The following HS3ST5 variants were observed in gnomAD, a reference collection of about 807,000 sequenced individuals.
The protein encoded by HS3ST5 is heparan sulfate glucosamine 3-O-sulfotransferase 5.
Under a neutral mutation model 25.4 loss-of-function variants are expected in HS3ST5, and 10 were observed. That is an observed-to-expected ratio of 0.39 (90% CI 0.24 to 0.67). The LOEUF (loss-of-function observed/expected upper bound fraction) is 0.67. Among genes scored for constraint, HS3ST5 ranks in the 30% least tolerant of loss-of-function variants. The pLI is 0.44. For synonymous variants in HS3ST5, 170 were observed against 162.4 expected (o/e 1.05, Z -0.36); for missense variants, 324 against 420.7 (o/e 0.77, Z 2.01).
chr6:114,273,118 G>T (rs1773703246), intron 1 of HS3ST5, among the ~76,000 whole-genome samples: 2 of 152,060 alleles, frequency 1.3e-5, no homozygotes, highest in Non-Finnish European at 2.9e-5. Flanking sequence ...GACAAAGAAA[G>T]ATATGAAATA....
chr6:114,237,305 C>A (rs1246144154), intron 1 of HS3ST5, among the ~76,000 whole-genome samples: 5 of 146,910 alleles, frequency 3.4e-5, no homozygotes, highest in Admixed American at 6.8e-5. Context: ...TCAAATAAGT[C>A]AAAAATAAAA....
At chr6:114,335,334 G>C (rs1359031) in intron 1 of HS3ST5, among the ~76,000 whole-genome samples, 1 of 150,946 alleles carries the variant, frequency 6.6e-6, no homozygotes, top group Non-Finnish European at 1.5e-5. Context: ...TCTAAGAATA[G>C]AATTAAACTT....
rs566836233 is a variant in HS3ST5, at chr6:114,292,385, T to C, written c.-339+49810A>G. 3.3e-5 allele frequency among the ~76,000 whole-genome samples: 5 copies of C among 152,262 alleles called. No individual in the cohort carries two copies. The East Asian group carries it at 7.7e-4, about 24-fold the overall frequency. On this transcript the variant is annotated intron_variant, in intron 1 of 4. Coordinates refer to ENST00000312719, the MANE Select transcript of HS3ST5 (RefSeq NM_153612.4). Reference sequence around the variant, plus strand: ...GTTGTGTTCTCACATAGCAGAAGAATGAGAGAATCCACTCCTGCAAGCCCT... The same window carrying C: ...GTTGTGTTCTCACATAGCAGAAGAACGAGAGAATCCACTCCTGCAAGCCCT...
intron 1 of HS3ST5, among the ~76,000 whole-genome samples, chr6:114,320,912 C>CTATA (rs1380738979): frequency 8.6e-6 from 1 of 116,664 alleles, no homozygotes; most frequent in African/African-American, 3.4e-5. Flanking sequence ...CTCTCTCTCT[C>CTATA]TCTATATATA....
At chr6:114,210,416 G>A (rs1781461405) in intron 2 of HS3ST5, among the ~76,000 whole-genome samples, 3 of 152,098 alleles carry the variant, frequency 2.0e-5, no homozygotes, top group Admixed American at 1.3e-4. Flanking sequence ...GAAAAAAATG[G>A]ACAAGAAAAC....
At chr6:114,141,541 G>A (rs1463999370) in intron 3 of HS3ST5, among the ~76,000 whole-genome samples, 1 of 152,224 alleles carries the variant, frequency 6.6e-6, no homozygotes. Flanking sequence ...AGTGCTGAGA[G>A]TTTGTGAGTG....
rs191032739 is a variant in HS3ST5, at chr6:114,159,877, C to T, written c.-33+8474G>A. 3.4e-3 allele frequency among the ~76,000 whole-genome samples: 514 copies of T among 152,214 alleles called. 1 individual carries two copies. Among genetic ancestry groups the T allele is most frequent in the Non-Finnish European group, 6.3e-3 (425 of 67,996 alleles). ...AATAAAAACAAATACTTCAGTATTGCAAACATTTGCTAAAGAAACAAATAT... is the reference window on the plus strand; with the variant it reads ...AATAAAAACAAATACTTCAGTATTGTAAACATTTGCTAAAGAAACAAATAT... On this transcript the variant is annotated intron_variant, in intron 3 of 4. Transcript: ENST00000312719.
At chr6:114,165,798 T>C (rs558624182) in intron 3 of HS3ST5, among the ~76,000 whole-genome samples, 1 of 152,162 alleles carries the variant, frequency 6.6e-6, no homozygotes, top group East Asian at 1.9e-4. Context: ...AGTTAAACTC[T>C]CTGGATTTTA....
chr6:114,180,833 T>C (rs761096779), intron 2 of HS3ST5, among the ~76,000 whole-genome samples: 32 of 152,350 alleles, frequency 2.1e-4, no homozygotes, highest in Non-Finnish European at 2.8e-4. Flanking sequence ...TTTTAACATA[T>C]GAATTTTGGG....
At chr6:114,224,500 TTC>T (rs1237233774) in intron 2 of HS3ST5, among the ~76,000 whole-genome samples, 1 of 151,352 alleles carries the variant, frequency 6.6e-6, no homozygotes, top group East Asian at 1.9e-4. Context: ...AGAGGAAAAG[TTC>T]TCTCTCTGTT....
intron 3 of HS3ST5, chr6:114,084,451 T>G: frequency 4.0e-6 from 3 of 756,862 alleles, no homozygotes; most frequent in South Asian, 1.3e-5. Context: ...TCTGTAGAAG[T>G]AGAGATCAGG....
At chr6:114,324,838 C>G (rs1045434796) in intron 1 of HS3ST5, among the ~76,000 whole-genome samples, 3 of 152,196 alleles carry the variant, frequency 2.0e-5, no homozygotes, top group Non-Finnish European at 4.4e-5. Context: ...AATCACTGCT[C>G]TTAAGGTTTC....
At chr6:114,185,397 G>C (rs1780172294) in intron 2 of HS3ST5, among the ~76,000 whole-genome samples, 1 of 152,152 alleles carries the variant, frequency 6.6e-6, no homozygotes, top group African/African-American at 2.4e-5. Context: ...CAAAAACCAG[G>C]ATGACGGACC....
chr6:114,203,200 T>C (rs1162403242), intron 2 of HS3ST5, among the ~76,000 whole-genome samples: 1 of 152,202 alleles, frequency 6.6e-6, no homozygotes, highest in Non-Finnish European at 1.5e-5. Flanking sequence ...AAAGACAGAT[T>C]AACTGTGAAA....
At chr6:114,182,814 G>A (rs925842899) in intron 2 of HS3ST5, among the ~76,000 whole-genome samples, 1 of 152,130 alleles carries the variant, frequency 6.6e-6, no homozygotes, top group Non-Finnish European at 1.5e-5. Context: ...TAATTTCTAG[G>A]TATGTGTGTG....
At chr6:114,254,204 T>C (rs1019620110) in intron 1 of HS3ST5, among the ~76,000 whole-genome samples, 9 of 152,202 alleles carry the variant, frequency 5.9e-5, no homozygotes, top group Non-Finnish European at 2.9e-5. Context: ...AGGATCAGAT[T>C]TTCTATTGTC....
chr6:114,268,874 A>G (rs986601472), intron 1 of HS3ST5, among the ~76,000 whole-genome samples: 2 of 152,158 alleles, frequency 1.3e-5, no homozygotes, highest in African/African-American at 4.8e-5. Flanking sequence ...GGCAGAGCTG[A>G]CCACAGAAGG....
chr6:114,199,275 C>T (rs1008397508), intron 2 of HS3ST5, among the ~76,000 whole-genome samples: 4 of 151,832 alleles, frequency 2.6e-5, no homozygotes, highest in East Asian at 1.9e-4. Context: ...TTTTTATGGC[C>T]GTAAAGGATG....
intron 1 of HS3ST5, chr6:114,231,531 A>G (rs1241315461): frequency 6.6e-6 from 1 of 152,186 alleles, no homozygotes; most frequent in Non-Finnish European, 1.5e-5. Context: ...CAAGGTCCTT[A>G]ACCTGGCATT....
Sources: gnomAD v4.1 joint callset for allele counts (sites outside exome capture counted in the v4.1 genomes callset) on GRCh38, gnomAD v4.1.1 for gene constraint, MANE v1.5 for transcripts, NCBI Gene and HGNC (gene_info 2026-07-23, HGNC 2026-07-21) for gene names.